Variants in DLG2 observed in about 807,000 individuals in gnomAD.
DLG2 encodes the protein disks large homolog 2.
In DLG2, 45 loss-of-function variants were observed where a neutral mutation model predicts 132.5. The observed-to-expected ratio is 0.34, with a 90% CI of 0.27 to 0.44. The LOEUF (loss-of-function observed/expected upper bound fraction) is 0.44, where lower values mean the gene tolerates loss of function less well. Ranked by LOEUF, DLG2 falls within the 20% of genes least tolerant of loss-of-function variation. The pLI, the probability that DLG2 is intolerant of heterozygous loss-of-function variation, is 1.00. For missense variants in DLG2, 1,045 were observed against 1,196.9 expected, an observed-to-expected ratio of 0.87 and a Z score of 1.87; for synonymous variants, 424 against 419.6, an observed-to-expected ratio of 1.01 and a Z score of -0.13.
intron 11 of DLG2, among the ~76,000 whole-genome samples, chr11:84,022,902 A>G (rs1000158194): frequency 2.0e-5 from 3 of 152,168 alleles, no homozygotes; most frequent in Non-Finnish European, 2.9e-5. Context: ...TCCAGGATTC[A>G]AGGAGGGGAA....
At chr11:85,420,339 GC>G (rs1468998221) in intron 3 of DLG2, among the ~76,000 whole-genome samples, 1 of 152,136 alleles carries the variant, frequency 6.6e-6, no homozygotes, top group East Asian at 1.9e-4. Flanking sequence ...CCAGATGCCA[GC>G]CAGAGTTCTC....
intron 8 of DLG2, among the ~76,000 whole-genome samples, chr11:84,208,058 A>G (rs1034224950): frequency 1.3e-5 from 2 of 152,184 alleles, no homozygotes; most frequent in Admixed American, 6.5e-5. Flanking sequence ...ATCCACCTCT[A>G]ACCTATAAGC....
intron 11 of DLG2, among the ~76,000 whole-genome samples, chr11:84,011,411 C>A (rs1473004947): frequency 6.6e-6 from 1 of 152,034 alleles, no homozygotes; most frequent in Non-Finnish European, 1.5e-5. Flanking sequence ...GTAAAAGCTG[C>A]AGTGAGTTGT....
At chr11:84,622,339 T>C (rs1364421019) in intron 6 of DLG2, among the ~76,000 whole-genome samples, 2 of 152,224 alleles carry the variant, frequency 1.3e-5, no homozygotes, top group Non-Finnish European at 2.9e-5. Context: ...CATATGACTG[T>C]ATAGAATGCT....
chr11:83,776,212 T>A lies in DLG2; in HGVS notation c.1825+10478A>T, dbSNP rs182124070. ...TGCTTTCCATGTTTTCAGGAAAGGA[T>A]GAATTTATGTATTCATAGGTCCATA... On this transcript the variant is annotated intron_variant, in intron 18 of 27. Coordinates refer to ENST00000376104, the MANE Select transcript of DLG2 (RefSeq NM_001142699.3). Among the ~76,000 whole-genome samples, 3 of 152,378 alleles carry A rather than the reference T, an allele frequency of 2.0e-5. No homozygotes were observed. In the East Asian group the frequency reaches 5.8e-4, roughly 29 times the overall value.
intron 6 of DLG2, among the ~76,000 whole-genome samples, chr11:84,614,721 C>T (rs2099601047): frequency 6.6e-6 from 1 of 151,976 alleles, no homozygotes; most frequent in Admixed American, 6.6e-5. Flanking sequence ...TTATGATAAA[C>T]AAAGTCATCT....
At chr11:84,620,427 T>C (rs2154541003) in intron 6 of DLG2, among the ~76,000 whole-genome samples, 1 of 151,966 alleles carries the variant, frequency 6.6e-6, no homozygotes, top group Admixed American at 6.6e-5. Context: ...AAAGAATAAT[T>C]TTGATCATAT....
intron 18 of DLG2, among the ~76,000 whole-genome samples, chr11:83,753,350 G>C (rs2093419450): frequency 6.6e-6 from 1 of 152,106 alleles, no homozygotes; most frequent in African/African-American, 2.4e-5. Flanking sequence ...TTGAACCTGG[G>C]AGGCAGAGGT....
intron 4 of DLG2, among the ~76,000 whole-genome samples, chr11:85,183,574 T>C (rs928618692): frequency 6.6e-6 from 1 of 151,886 alleles, no homozygotes; most frequent in African/African-American, 2.4e-5. Context: ...ATCTTGGCTG[T>C]GGTTGGGTCC....
At chr11:84,555,342 A>ACCCATGT in intron 6 of DLG2, among the ~76,000 whole-genome samples, 3 of 152,294 alleles carry the variant, frequency 2.0e-5, no homozygotes, top group Non-Finnish European at 4.4e-5. Context: ...ATATTTACAC[A>ACCCATGT]CCCATGTTCA....
At chr11:85,309,353 CA>C (rs2080168481) in intron 3 of DLG2, among the ~76,000 whole-genome samples, 1 of 149,224 alleles carries the variant, frequency 6.7e-6, no homozygotes, top group Non-Finnish European at 1.5e-5. Flanking sequence ...TATTATGTAG[CA>C]ATTTTACAGT....
At chr11:83,666,572 T>C (rs1252897088) in intron 18 of DLG2, among the ~76,000 whole-genome samples, 2 of 152,192 alleles carry the variant, frequency 1.3e-5, no homozygotes, top group Non-Finnish European at 2.9e-5. Context: ...CGTGGAAACA[T>C]TGTCTTCCAC....
chr11:84,318,548 G>A (rs2098382642), intron 7 of DLG2, among the ~76,000 whole-genome samples: 1 of 152,146 alleles, frequency 6.6e-6, no homozygotes, highest in East Asian at 1.9e-4. Context: ...GAGCTGGCAA[G>A]GTGCTTATTG....
chr11:85,235,735 G>A (rs2075551830), intron 4 of DLG2, among the ~76,000 whole-genome samples: 1 of 151,812 alleles, frequency 6.6e-6, no homozygotes, highest in South Asian at 2.1e-4. Context: ...AAGAAGATTT[G>A]AAGTAGAAAG....
intron 11 of DLG2, among the ~76,000 whole-genome samples, chr11:84,025,634 T>C (rs1476362005): frequency 6.6e-6 from 1 of 152,154 alleles, no homozygotes; most frequent in East Asian, 1.9e-4. Context: ...AATGGAAACC[T>C]TTTTCTCCAG....
Position 85,025,368 on chromosome 11 carries a change from G to C in DLG2, c.357+86293C>G, listed in dbSNP as rs550797973. Among the ~76,000 whole-genome samples, 5 of 152,280 alleles carry C rather than the reference G, an allele frequency of 3.3e-5. No individual in the cohort carries two copies. In the South Asian group the frequency reaches 1.0e-3, roughly 32 times the overall value. On this transcript the variant is annotated intron_variant, in intron 6 of 27. Transcript: ENST00000376104. Reference sequence around the variant, plus strand: ...GTTACCATAAAGAAGTGTTGTTGGAGTCTGACTTTCCTCGATGAAATGTTA... The same window carrying C: ...GTTACCATAAAGAAGTGTTGTTGGACTCTGACTTTCCTCGATGAAATGTTA...
At chr11:84,434,401 ATGAT>A (rs2098994338) in intron 7 of DLG2, among the ~76,000 whole-genome samples, 1 of 152,146 alleles carries the variant, frequency 6.6e-6, no homozygotes, top group Admixed American at 6.6e-5. Context: ...ATCTAGAAGA[ATGAT>A]GAGTGGAAGG....
chr11:84,273,631 C>T (rs2097758220), intron 7 of DLG2, among the ~76,000 whole-genome samples: 1 of 152,016 alleles, frequency 6.6e-6, no homozygotes, highest in Non-Finnish European at 1.5e-5. Flanking sequence ...ATTTGGGTGG[C>T]AGGTCATGGT....
chr11:83,852,898 C>T (rs1298878071), intron 16 of DLG2, among the ~76,000 whole-genome samples: 1 of 152,198 alleles, frequency 6.6e-6, no homozygotes, highest in Non-Finnish European at 1.5e-5. Context: ...CCTACTTTCC[C>T]TTTCTACCCA....
Sources: gnomAD v4.1 joint callset for allele counts (sites outside exome capture counted in the v4.1 genomes callset) on GRCh38, gnomAD v4.1.1 for gene constraint, MANE v1.5 for transcripts, NCBI Gene and HGNC (gene_info 2026-07-23, HGNC 2026-07-21) for gene names.